The following FARP1 variants were observed in gnomAD, a reference collection of about 807,000 sequenced individuals.
FARP1 encodes the protein FERM, ARH/RhoGEF and pleckstrin domain protein 1.
A neutral mutation model predicts 128.8 loss-of-function variants in FARP1; 52 were observed. That is an observed-to-expected ratio of 0.40 (90% CI 0.32 to 0.51). FARP1 has a LOEUF of 0.51. Ranked by LOEUF, FARP1 falls within the 20% of genes least tolerant of loss-of-function variation. FARP1 has a pLI of 0.45. For missense variants in FARP1, 1,333 were observed against 1,367.9 expected (o/e 0.97, Z 0.40); for synonymous variants, 580 against 551.8 (o/e 1.05, Z -0.72).
At position 98,393,179 on chromosome 13, in the gene FARP1, C is replaced by T. The variant is rs186243593; in HGVS notation, c.1089-464C>T. ...GGCAGGCCTTTTCCTCTGAACTTAC[C>T]GCTTTGATAGAGTGAGCGGATGAGT... On this transcript the variant is annotated intron_variant, in intron 11 of 26. Coordinates refer to ENST00000319562, the MANE Select transcript of FARP1 (RefSeq NM_005766.4). Among the ~76,000 whole-genome samples the T allele has an allele frequency of 5.3e-3, 800 of 152,282 alleles. 2 individuals are homozygous for T. Among genetic ancestry groups the T allele is most frequent in the Non-Finnish European group, 8.5e-3 (579 of 68,018 alleles).
intron 2 of FARP1, among the ~76,000 whole-genome samples, chr13:98,301,193 C>T (rs959618590): frequency 3.9e-5 from 6 of 152,232 alleles, no homozygotes; most frequent in Non-Finnish European, 5.9e-5. Flanking sequence ...CATGCCAGCC[C>T]CCACCTGGAG....
Position 98,176,175 on chromosome 13 carries a change from TC to T in FARP1, c.-24+32685del. 6 of 1,610,478 alleles carry T rather than the reference TC, an allele frequency of 3.7e-6. No individual in the cohort carries two copies. Among genetic ancestry groups the T allele is most frequent in the Non-Finnish European group, 5.1e-6 (6 of 1,176,986 alleles). ...ACTTGAGTCTTTCTTATCTCTTTTT[TC>T]CTAAAAGAACAAAAAAATTTATTTA... On this transcript the variant is annotated intron_variant, in intron 1 of 26. Coordinates refer to ENST00000319562, the MANE Select transcript of FARP1 (RefSeq NM_005766.4). This position sits in a 1 kb window ranked among gnomAD's most constrained non-coding sequence, Gnocchi z 6.2.
chr13:98,255,268 G>T (rs186457585), intron 2 of FARP1, among the ~76,000 whole-genome samples: 49 of 152,298 alleles, frequency 3.2e-4, no homozygotes, highest in Middle Eastern at 3.4e-3. Context: ...GGGAGGTGGA[G>T]GCGGGCGGAT....
chr13:98,375,587 C>T (rs1889545624), intron 5 of FARP1, among the ~76,000 whole-genome samples: 1 of 152,070 alleles, frequency 6.6e-6, no homozygotes, highest in South Asian at 2.1e-4. Context: ...GGCCCTATCT[C>T]TCTATCCTTC....
intron 6 of FARP1, among the ~76,000 whole-genome samples, chr13:98,379,627 C>T (rs1286636931): frequency 1.3e-5 from 2 of 152,180 alleles, no homozygotes; most frequent in Non-Finnish European, 2.9e-5. Context: ...ACACCAAAAA[C>T]TGAGGATGCT....
At chr13:98,224,436 A>G (rs1594290880) in intron 2 of FARP1, among the ~76,000 whole-genome samples, 2 of 146,260 alleles carry the variant, frequency 1.4e-5, no homozygotes, top group Non-Finnish European at 1.5e-5. Context: ...CTGAGGCAGG[A>G]GAATGGCGTG....
intron 2 of FARP1, among the ~76,000 whole-genome samples, chr13:98,337,804 C>T (rs997639839): frequency 4.6e-5 from 7 of 152,040 alleles, no homozygotes; most frequent in African/African-American, 1.4e-4. Context: ...AAGCCTGCCC[C>T]AAATGCATAA....
At chr13:98,206,195 G>T (rs1177860313) in intron 1 of FARP1, among the ~76,000 whole-genome samples, 1 of 151,512 alleles carries the variant, frequency 6.6e-6, no homozygotes, top group African/African-American at 2.4e-5. Context: ...GTGTGTGTGT[G>T]TGTGTGTGTG....
At chr13:98,155,731 G>T (rs1462453206) in intron 1 of FARP1, among the ~76,000 whole-genome samples, 1 of 152,072 alleles carries the variant, frequency 6.6e-6, no homozygotes, top group Non-Finnish European at 1.5e-5. Context: ...TGTTGCCCAG[G>T]CTGGTCTTGA....
At chr13:98,431,409 A>G in intron 18 of FARP1, 129 bp downstream of exon 18, 1 of 581,582 alleles carries the variant, frequency 1.7e-6, no homozygotes, top group Non-Finnish European at 3.0e-6. Flanking sequence ...CCAGGTTTTC[A>G]TCAGGGTGGG....
chr13:98,435,672 T>C lies in FARP1; in HGVS notation c.2240T>C (p.Leu747Ser). 6.2e-7 allele frequency: 1 copy of C among 1,614,180 alleles called. No individual in the cohort carries two copies. The highest frequency in any genetic ancestry group is 8.5e-7 in the Non-Finnish European group (1 of 1,180,020). The change falls in exon 19 of 27, where the codon TTG (leucine) becomes TCG (serine). Residue 747 changes from leucine to serine, a missense_variant. Physicochemically the swap from Leu to Ser is moderately radical, Grantham distance 145. Coordinates refer to ENST00000319562, the MANE Select transcript of FARP1 (RefSeq NM_005766.4). Reference protein sequence around the residue: ...FQKLHELKKDLIGIDNLVVPG... With the variant: ...FQKLHELKKDSIGIDNLVVPG... Reference sequence around the variant, plus strand: ...AAGCTGCACGAACTCAAGAAAGATTTGATTGGCATTGACAATCTTGTGGTT... The same window carrying C: ...AAGCTGCACGAACTCAAGAAAGATTCGATTGGCATTGACAATCTTGTGGTT...
Position 98,390,794 on chromosome 13 carries a change from T to C in FARP1, c.1020-18T>C, listed in dbSNP as rs1456206856. On this transcript the variant is annotated intron_variant, in intron 10 of 26. Coordinates refer to ENST00000319562, the MANE Select transcript of FARP1 (RefSeq NM_005766.4). ...GCCTTGGTATTTCTCCCCTTCCCTGTTGTGGTCTCTGTTTCAGTGGTCGGA... is the reference window on the plus strand; with the variant it reads ...GCCTTGGTATTTCTCCCCTTCCCTGCTGTGGTCTCTGTTTCAGTGGTCGGA... The C allele has an allele frequency of 1.9e-6, 3 of 1,600,570 alleles. No homozygotes were observed. Among genetic ancestry groups the C allele is most frequent in the Admixed American group, 3.3e-5 (2 of 59,950 alleles).
At chr13:98,359,405 G>A (rs1261151765) in intron 3 of FARP1, among the ~76,000 whole-genome samples, 5 of 152,114 alleles carry the variant, frequency 3.3e-5, no homozygotes, top group Non-Finnish European at 7.4e-5. Flanking sequence ...AAACATTCCA[G>A]TTGCTTATGA....
chr13:98,401,199 A>G (rs1890748313), intron 13 of FARP1: 1 of 152,160 alleles, frequency 6.6e-6, no homozygotes, highest in Non-Finnish European at 1.5e-5. Flanking sequence ...CTCTGACAAC[A>G]TTAAAGAATT....
intron 2 of FARP1, among the ~76,000 whole-genome samples, chr13:98,283,939 G>A (rs1885054292): frequency 6.6e-6 from 1 of 152,164 alleles, no homozygotes; most frequent in African/African-American, 2.4e-5. Flanking sequence ...TGTGCAGTGT[G>A]GAAGGGCTCC....
chr13:98,175,515 G>T (rs1877940533), intron 1 of FARP1, among the ~76,000 whole-genome samples: 1 of 50,610 alleles, frequency 2.0e-5, no homozygotes, highest in African/African-American at 4.2e-5. Context: ...TCTCTTTTTA[G>T]CTTTTTTGAA....
rs1555329634 is a variant in FARP1, at chr13:98,232,144, G to GTTTTTTTTTTTTTTTTTTTTTT, written c.171+18731_171+18732insTTTTTTTTTTTTTTTTTTTTTT. On this transcript the variant is annotated intron_variant, in intron 2 of 26. Coordinates refer to ENST00000319562, the MANE Select transcript of FARP1 (RefSeq NM_005766.4). ...CGTGCCCGGCTTTTTTTGTTTGGTTGGTTTTTTTTTTTTTTTTTTTTTGCT... is the reference window on the plus strand; with the variant it reads ...CGTGCCCGGCTTTTTTTGTTTGGTTGTTTTTTTTTTTTTTTTTTTTTTGTTTTTTTTTTTTTTTTTTTTTGCT... Among the ~76,000 whole-genome samples, 26 of 111,676 alleles carry GTTTTTTTTTTTTTTTTTTTTTT rather than the reference G, an allele frequency of 2.3e-4. 3 individuals are homozygous for GTTTTTTTTTTTTTTTTTTTTTT. Among genetic ancestry groups the GTTTTTTTTTTTTTTTTTTTTTT allele is most frequent in the African/African-American group, 5.1e-4 (12 of 23,632 alleles). The allele number at this position is 111,676 out of a possible 152,430, so 73.3% of individuals were successfully genotyped here.
intron 2 of FARP1, 143 bp from the exon 3 acceptor site, chr13:98,343,619 T>TA: frequency 1.6e-6 from 1 of 644,352 alleles, no homozygotes; most frequent in Non-Finnish European, 2.8e-6. Context: ...GGGGCTGGCG[T>TA]TCAGGGTGTC....
intron 17 of FARP1, 145 bp downstream of exon 17, chr13:98,424,795 G>T: frequency 1.5e-6 from 1 of 661,678 alleles, no homozygotes; most frequent in Non-Finnish European, 2.8e-6. Context: ...CCACCGCCGA[G>T]CAGCAGCTTA....
Sources: allele counts gnomAD v4.1 joint callset (sites outside exome capture counted in the v4.1 genomes callset), GRCh38; gene constraint gnomAD v4.1.1; non-coding constraint Gnocchi (gnomAD v3.1); transcripts MANE v1.5; gene names NCBI Gene and HGNC (gene_info 2026-07-23, HGNC 2026-07-21).